Variants in STPG2 observed in about 807,000 individuals in gnomAD.
The protein encoded by STPG2 is sperm tail PG-rich repeat containing 2.
STPG2 carries 56 observed loss-of-function variants against 54.2 expected under a neutral mutation model. The observed-to-expected ratio is 1.03, with a 90% CI of 0.83 to 1.29. STPG2 has a LOEUF of 1.29. Among genes scored for constraint, STPG2 ranks in the 50% most tolerant of loss-of-function variants. The pLI, the probability that STPG2 is intolerant of heterozygous loss-of-function variation, is 0.00. For synonymous variants in STPG2, 200 were observed against 181.8 expected (o/e 1.10, Z -0.81); for missense variants, 596 against 544.9 (o/e 1.09, Z -0.93).
intron 9 of STPG2, among the ~76,000 whole-genome samples, chr4:97,777,956 A>G (rs909121385): frequency 6.6e-6 from 1 of 152,188 alleles, no homozygotes; most frequent in Non-Finnish European, 1.5e-5. Flanking sequence ...GCCGAATAGG[A>G]ACAACTCCAG....
At chr4:98,131,142 T>C (rs1290230014) in intron 2 of STPG2, among the ~76,000 whole-genome samples, 8 of 152,076 alleles carry the variant, frequency 5.3e-5, no homozygotes, top group Non-Finnish European at 1.2e-4. Flanking sequence ...TCTTTTTAAC[T>C]ACTATTTTTT....
chr4:97,903,326 T>A (rs1404050874), intron 8 of STPG2, among the ~76,000 whole-genome samples: 1 of 152,100 alleles, frequency 6.6e-6, no homozygotes, highest in Non-Finnish European at 1.5e-5. Flanking sequence ...TCTCAAAACA[T>A]CACATTGTAC....
At position 97,612,862 on chromosome 4, in the gene STPG2, C is replaced by T. The variant is rs943100735; in HGVS notation, c.1321-53745G>A. Among the ~76,000 whole-genome samples the T allele has an allele frequency of 5.9e-5, 9 of 151,702 alleles. 1 individual carries two copies. The highest frequency in any genetic ancestry group is 4.6e-4 in the Admixed American group (7 of 15,190). On this transcript the variant is annotated intron_variant, in intron 10 of 10. Coordinates refer to ENST00000295268, the MANE Select transcript of STPG2 (RefSeq NM_174952.3). Reference sequence around the variant, plus strand: ...AAGTAATAATAAATGATGTCATGAGCCTTAGGACAATGAGTTATTTCAACT... The same window carrying T: ...AAGTAATAATAAATGATGTCATGAGTCTTAGGACAATGAGTTATTTCAACT...
intron 3 of STPG2, among the ~76,000 whole-genome samples, chr4:98,127,231 G>A (rs1016422238): frequency 5.8e-4 from 89 of 152,204 alleles, no homozygotes; most frequent in African/African-American, 1.9e-3. Flanking sequence ...CCAATGTGAC[G>A]AAATTTTAAC....
intron 5 of STPG2, among the ~76,000 whole-genome samples, chr4:98,063,332 C>T (rs953745351): frequency 9.2e-5 from 14 of 151,912 alleles, no homozygotes; most frequent in African/African-American, 3.1e-4. Context: ...GCCTGTAGTC[C>T]CAGCTCCTCA....
chr4:98,068,932 A>T (rs377271143), intron 5 of STPG2, among the ~76,000 whole-genome samples: 16 of 152,222 alleles, frequency 1.1e-4, no homozygotes, highest in South Asian at 2.1e-4. Context: ...CAGTAAAAAT[A>T]CAGTATTATA....
intron 5 of STPG2, among the ~76,000 whole-genome samples, chr4:98,005,358 G>C (rs1021061352): frequency 2.0e-5 from 3 of 152,138 alleles, no homozygotes; most frequent in Non-Finnish European, 4.4e-5. Flanking sequence ...CAATCAAGTT[G>C]ACACTTAGTA....
At chr4:97,472,088 T>TA (rs1163388099) in intron 4 of STPG2, among the ~76,000 whole-genome samples, 2 of 151,624 alleles carry the variant, frequency 1.3e-5, no homozygotes, top group African/African-American at 2.4e-5. Context: ...ACTAGAAAAA[T>TA]AAAAAAATCA....
intron 9 of STPG2, among the ~76,000 whole-genome samples, chr4:97,811,970 A>G (rs1399040522): frequency 6.6e-6 from 1 of 152,154 alleles, no homozygotes; most frequent in Non-Finnish European, 1.5e-5. Flanking sequence ...TTACAGAAAG[A>G]TAACTTTTTC....
chr4:97,905,820 A>G (rs1017733163), intron 8 of STPG2, among the ~76,000 whole-genome samples: 3 of 152,254 alleles, frequency 2.0e-5, no homozygotes, highest in Non-Finnish European at 4.4e-5. Context: ...GAAACCAACG[A>G]GAACAAAGAC....
intron 5 of STPG2, among the ~76,000 whole-genome samples, chr4:98,051,063 TTCTC>T (rs1737306092): frequency 6.6e-6 from 1 of 150,606 alleles, no homozygotes; most frequent in Non-Finnish European, 1.5e-5. Context: ...AGAATAGGAA[TTCTC>T]TGTCTTCACT....
chr4:97,663,598 T>C (rs774730333), intron 10 of STPG2, among the ~76,000 whole-genome samples: 1 of 152,154 alleles, frequency 6.6e-6, no homozygotes, highest in Non-Finnish European at 1.5e-5. Context: ...GAAAATAACA[T>C]ATAGAAAAGC....
intron 10 of STPG2, among the ~76,000 whole-genome samples, chr4:97,673,012 C>T (rs935956915): frequency 4.6e-5 from 7 of 152,226 alleles, no homozygotes; most frequent in Non-Finnish European, 1.0e-4. Flanking sequence ...TACAACACAT[C>T]CTAATGTCTG....
At chr4:97,623,628 A>T (rs10031783) in intron 10 of STPG2, among the ~76,000 whole-genome samples, 73,799 of 151,866 alleles carry the variant, frequency 0.49, 19,940 homozygotes, top group South Asian at 0.65. Context: ...AAAAATTTTT[A>T]AAAAATTTCA....
intron 9 of STPG2, among the ~76,000 whole-genome samples, chr4:97,812,787 C>G (rs907004019): frequency 2.6e-5 from 4 of 152,068 alleles, no homozygotes; most frequent in African/African-American, 9.7e-5. Context: ...TTTAATGATT[C>G]CCTACTTTTT....
Position 97,552,886 on chromosome 4 carries a change from T to C in STPG2, c.462+159813A>G, listed in dbSNP as rs79136125. On this transcript the variant is annotated intron_variant, in intron 4 of 4. Transcript: ENST00000522676. ...AAATCATTTTATTTGACATTACTAA[T>C]ACTAGGCCCTGAGTCCTGAGAAAGA... Among the ~76,000 whole-genome samples the C allele has an allele frequency of 9.6e-3, 1,461 of 152,264 alleles. 26 individuals are homozygous for C. Among genetic ancestry groups the C allele is most frequent in the African/African-American group, 0.033 (1,392 of 41,570 alleles).
rs1012156504 is a variant in STPG2, at chr4:97,540,628, G to A, written c.462+172071C>T. On this transcript the variant is annotated intron_variant, in intron 4 of 4. Transcript: ENST00000522676. The stretch of plus-strand genomic sequence containing the variant: ...GAATCCTCCCTCTTTTATGAGGCCA[G>A]CATCATCCTGATACCAAAGCCTGGC... Among the ~76,000 whole-genome samples the A allele has an allele frequency of 2.6e-5, 4 of 152,132 alleles. No individual in the cohort carries two copies. The East Asian group carries it at 7.7e-4, about 29-fold the overall frequency.
At chr4:97,927,389 T>C (rs1205632200) in intron 8 of STPG2, among the ~76,000 whole-genome samples, 1 of 152,090 alleles carries the variant, frequency 6.6e-6, no homozygotes, top group African/African-American at 2.4e-5. Flanking sequence ...TAAATTGACC[T>C]AAGAAAGTAT....
chr4:97,560,596 C>G (rs1230699132), intron 10 of STPG2, among the ~76,000 whole-genome samples: 1 of 152,140 alleles, frequency 6.6e-6, no homozygotes, highest in Non-Finnish European at 1.5e-5. Flanking sequence ...AGCCATAGAT[C>G]TAAATTCTCC....
Sources: allele counts gnomAD v4.1 joint callset (sites outside exome capture counted in the v4.1 genomes callset), GRCh38; gene constraint gnomAD v4.1.1; transcripts MANE v1.5; gene names NCBI Gene and HGNC (gene_info 2026-07-23, HGNC 2026-07-21).